The following MEF2C variants were observed in gnomAD, a reference collection of about 807,000 sequenced individuals.
The protein encoded by MEF2C is myocyte enhancer factor 2C, also known as myocyte-specific enhancer factor 2C.
MEF2C carries 6 observed loss-of-function variants against 50.5 expected under a neutral mutation model. That is an observed-to-expected ratio of 0.12 (90% confidence interval 0.07 to 0.23). The LOEUF is 0.23. Among genes scored for constraint, MEF2C ranks in the 10% least tolerant of loss-of-function variants. The pLI, the probability that MEF2C is intolerant of heterozygous loss-of-function variation, is 1.00. For synonymous variants in MEF2C, 183 were observed against 228.0 expected, an observed-to-expected ratio of 0.80 and a Z score of 1.78; for missense variants, 276 against 605.0, an observed-to-expected ratio of 0.46 and a Z score of 5.70.
chr5:88,729,586 G>C (rs978859386), intron 8 of MEF2C: 4 of 469,752 alleles, frequency 8.5e-6, no homozygotes, highest in African/African-American at 7.9e-5. Flanking sequence ...CTAGTAACAA[G>C]TACCATAGCT....
intron 3 of MEF2C, among the ~76,000 whole-genome samples, chr5:88,793,387 G>C (rs538765516): frequency 2.6e-5 from 4 of 152,200 alleles, no homozygotes; most frequent in South Asian, 2.1e-4. Flanking sequence ...TGAAGAGTAA[G>C]AGAAATACAT....
intron 1 of MEF2C, among the ~76,000 whole-genome samples, chr5:88,868,711 G>A (rs1357561528): frequency 6.6e-6 from 1 of 152,102 alleles, no homozygotes; most frequent in Non-Finnish European, 1.5e-5. Flanking sequence ...CACCACCTAT[G>A]ATTCTTGGCC....
intron 5 of MEF2C, among the ~76,000 whole-genome samples, chr5:88,750,373 T>TA (rs112745681): frequency 8.7e-5 from 13 of 148,858 alleles, no homozygotes; most frequent in South Asian, 4.3e-4. Flanking sequence ...CTAGTTAATT[T>TA]AAAAAAAAAA....
intron 6 of MEF2C, among the ~76,000 whole-genome samples, chr5:88,744,618 T>C (rs1262281312): frequency 6.6e-6 from 1 of 152,230 alleles, no homozygotes; most frequent in Non-Finnish European, 1.5e-5. Flanking sequence ...TTCATTTAGG[T>C]TGTTAAGAGG....
chr5:88,850,280 A>C (rs1306995511), intron 1 of MEF2C, among the ~76,000 whole-genome samples: 1 of 152,156 alleles, frequency 6.6e-6, no homozygotes, highest in African/African-American at 2.4e-5. Flanking sequence ...GCACTATTCT[A>C]TTCATTTTAC....
chr5:88,733,423 G>A, intron 6 of MEF2C: 11 of 985,334 alleles, frequency 1.1e-5, no homozygotes, highest in Non-Finnish European at 1.3e-5. Context: ...AAGTTTCAGA[G>A]TAGAGGTATG....
intron 2 of MEF2C, among the ~76,000 whole-genome samples, chr5:88,818,659 T>C (rs160044): frequency 0.43 from 64,549 of 151,758 alleles, 15,728 homozygotes; most frequent in African/African-American, 0.67. Context: ...TCTTTCCTTC[T>C]TGTCCACAAA....
chr5:88,869,811 A>AG (rs1828953102), intron 1 of MEF2C, among the ~76,000 whole-genome samples: 1 of 147,940 alleles, frequency 6.8e-6, no homozygotes, highest in Non-Finnish European at 1.5e-5. Context: ...TGCTTTTAAA[A>AG]CATGCATGCT....
Position 88,841,967 on chromosome 5 carries a change from C to T in MEF2C, c.-142-18037G>A, listed in dbSNP as rs1452210792. Among the ~76,000 whole-genome samples, 11 of 152,198 alleles carry T rather than the reference C, an allele frequency of 7.2e-5. No homozygotes were observed. The East Asian group carries it at 2.1e-3, about 29-fold the overall frequency. On this transcript the variant is annotated intron_variant, in intron 1 of 10. Coordinates refer to ENST00000504921, the MANE Select transcript of MEF2C (RefSeq NM_002397.5). ...TGATTCTCCTTATCCAACTTTAAGC[C>T]TTATTTCTTAGAACTTTTATTTTTA...
intron 5 of MEF2C, among the ~76,000 whole-genome samples, chr5:88,749,797 C>G (rs1003859234): frequency 4.6e-5 from 7 of 151,826 alleles, no homozygotes; most frequent in Non-Finnish European, 7.4e-5. Context: ...TTGGGAGGCC[C>G]AGGTGGGCGG....
At chr5:88,855,480 A>G (rs1211680250) in intron 1 of MEF2C, among the ~76,000 whole-genome samples, 3 of 152,232 alleles carry the variant, frequency 2.0e-5, no homozygotes, top group Non-Finnish European at 4.4e-5. Context: ...CCAGTGAATA[A>G]AATAATGCTT....
chr5:88,869,403 A>T (rs555457530), intron 1 of MEF2C, among the ~76,000 whole-genome samples: 43 of 150,464 alleles, frequency 2.9e-4, no homozygotes, highest in African/African-American at 9.0e-4. Flanking sequence ...TAACTTATTT[A>T]AAAAAGTTTA....
At chr5:88,799,585 G>A (rs1176715047) in intron 3 of MEF2C, among the ~76,000 whole-genome samples, 5 of 152,138 alleles carry the variant, frequency 3.3e-5, no homozygotes, top group Non-Finnish European at 7.3e-5. Flanking sequence ...CTATGTAAGA[G>A]CACTTAGCTC....
At chr5:88,789,986 G>A (rs1019399274) in intron 3 of MEF2C, among the ~76,000 whole-genome samples, 1 of 152,130 alleles carries the variant, frequency 6.6e-6, no homozygotes, top group Non-Finnish European at 1.5e-5. Context: ...CTGCACCCAA[G>A]GCACATGCCC....
At chr5:88,749,362 G>C (rs994747745) in intron 5 of MEF2C, 1 of 984,676 alleles carries the variant, frequency 1.0e-6, no homozygotes, top group Non-Finnish European at 1.2e-6. Context: ...AAAAAATCCA[G>C]TCTTTGGTCT....
chr5:88,740,769 C>T (rs1766309206), intron 6 of MEF2C: 1 of 984,786 alleles, frequency 1.0e-6, no homozygotes, highest in Non-Finnish European at 1.2e-6. Flanking sequence ...GCTATTGAAC[C>T]ACACTATCTT....
intron 7 of MEF2C, 105 bp from the exon 8 acceptor site, chr5:88,730,339 G>T: frequency 1.6e-6 from 2 of 1,243,980 alleles, no homozygotes; most frequent in Non-Finnish European, 2.3e-6. Flanking sequence ...AGACACAACA[G>T]TTTAAACAGT....
chr5:88,801,585 C>G (rs73177793), intron 3 of MEF2C, among the ~76,000 whole-genome samples: 1 of 151,896 alleles, frequency 6.6e-6, no homozygotes, highest in Non-Finnish European at 1.5e-5. Flanking sequence ...CTCTCCCTCC[C>G]GTGTTCAGGC....
intron 1 of MEF2C, chr5:88,843,596 A>T (rs1162526527): frequency 1.6e-5 from 5 of 322,122 alleles, no homozygotes; most frequent in Non-Finnish European, 2.2e-5. Flanking sequence ...TTAACTATGT[A>T]ATATATATGT....
Sources: allele counts gnomAD v4.1 joint callset (sites outside exome capture counted in the v4.1 genomes callset), GRCh38; gene constraint gnomAD v4.1.1; transcripts MANE v1.5; gene names NCBI Gene and HGNC (gene_info 2026-07-23, HGNC 2026-07-21).